CADM2: variants seen among roughly 807,000 people sequenced by gnomAD.
CADM2 encodes the protein immunoglobulin superfamily member 4D.
CADM2 carries 12 observed loss-of-function variants against 49.8 expected under a neutral mutation model. The ratio of observed to expected loss-of-function variants is 0.24; its 90% confidence interval spans 0.15 to 0.39. The LOEUF (loss-of-function observed/expected upper bound fraction) is 0.39, where lower values mean the gene tolerates loss of function less well. Among genes scored for constraint, CADM2 ranks in the 10% least tolerant of loss-of-function variants. The pLI is 1.00. For synonymous variants in CADM2, 214 were observed against 175.4 expected (o/e 1.22, Z -1.74); for missense variants, 378 against 492.3 (o/e 0.77, Z 2.20).
intron 2 of CADM2, among the ~76,000 whole-genome samples, chr3:85,784,314 A>G (rs1270336818): frequency 6.6e-6 from 1 of 152,210 alleles, no homozygotes; most frequent in Non-Finnish European, 1.5e-5. Context: ...CAATTTTTAA[A>G]ATTATAAACA....
intron 7 of CADM2, among the ~76,000 whole-genome samples, chr3:85,942,305 C>A (rs1306946915): frequency 1.5e-5 from 2 of 130,068 alleles, no homozygotes; most frequent in East Asian, 4.5e-4. Context: ...CCAGCCACTG[C>A]AAAACCATGC....
At chr3:85,297,395 A>T (rs1023559443) in intron 1 of CADM2, among the ~76,000 whole-genome samples, 1 of 152,024 alleles carries the variant, frequency 6.6e-6, no homozygotes, top group South Asian at 2.1e-4. Context: ...AGGTAGAGAG[A>T]TGGGGGAAAA....
At chr3:85,106,999 C>G (rs764770647) in intron 1 of CADM2, among the ~76,000 whole-genome samples, 1 of 151,690 alleles carries the variant, frequency 6.6e-6, no homozygotes, top group Admixed American at 6.6e-5. Flanking sequence ...GTAGGAGGGA[C>G]GAAAAGAAAA....
intron 1 of CADM2, among the ~76,000 whole-genome samples, chr3:85,034,856 T>C (rs2035145562): frequency 6.8e-6 from 1 of 146,458 alleles, no homozygotes; most frequent in Non-Finnish European, 1.5e-5. Flanking sequence ...CAGGCTGTAG[T>C]GCAGGGCACG....
chr3:85,106,000 C>T (rs550153753), intron 1 of CADM2, among the ~76,000 whole-genome samples: 7 of 151,906 alleles, frequency 4.6e-5, no homozygotes, highest in South Asian at 2.1e-4. Context: ...TGCTAAATGA[C>T]GAGTTAATGG....
At chr3:85,122,248 C>A (rs2038889535) in intron 1 of CADM2, among the ~76,000 whole-genome samples, 1 of 152,178 alleles carries the variant, frequency 6.6e-6, no homozygotes. Flanking sequence ...TTCACCAACA[C>A]ATTTCAGTTT....
intron 7 of CADM2, among the ~76,000 whole-genome samples, chr3:85,948,128 C>T (rs1722964070): frequency 6.6e-6 from 1 of 151,344 alleles, no homozygotes; most frequent in Non-Finnish European, 1.5e-5. Context: ...TACATTTAAG[C>T]ATTTTACTCT....
chr3:85,152,532 T>C (rs376649283), intron 1 of CADM2, among the ~76,000 whole-genome samples: 4 of 152,296 alleles, frequency 2.6e-5, no homozygotes, highest in East Asian at 1.9e-4. Flanking sequence ...AATACTAATA[T>C]TGATTGTGGA....
chr3:85,879,130 G>A (rs143853783), intron 3 of CADM2, among the ~76,000 whole-genome samples: 3 of 151,298 alleles, frequency 2.0e-5, no homozygotes, highest in African/African-American at 7.3e-5. Context: ...TTTGAAAAGG[G>A]GTTGATATAG....
At chr3:86,018,145 G>C (rs1323672793) in intron 8 of CADM2, among the ~76,000 whole-genome samples, 15 of 126,144 alleles carry the variant, frequency 1.2e-4, no homozygotes, top group African/African-American at 4.2e-4. Flanking sequence ...TTTTGTTCTT[G>C]CAATAGTTTA....
chr3:85,524,885 G>A (rs533702895), intron 1 of CADM2, among the ~76,000 whole-genome samples: 1 of 152,268 alleles, frequency 6.6e-6, no homozygotes, highest in Non-Finnish European at 1.5e-5. Flanking sequence ...CCTGCATTAA[G>A]AGATTATATT....
intron 1 of CADM2, among the ~76,000 whole-genome samples, chr3:85,298,833 T>G (rs925286094): frequency 6.6e-6 from 1 of 152,142 alleles, no homozygotes; most frequent in African/African-American, 2.4e-5. Flanking sequence ...GGATAACATA[T>G]AGTCATTGAG....
intron 1 of CADM2, among the ~76,000 whole-genome samples, chr3:85,403,727 TA>T (rs1225689771): frequency 1.3e-5 from 2 of 152,142 alleles, no homozygotes; most frequent in Non-Finnish European, 2.9e-5. Flanking sequence ...TATGGGTTTT[TA>T]GATTTCAAAC....
intron 1 of CADM2, among the ~76,000 whole-genome samples, chr3:85,634,764 C>T (rs1025193424): frequency 1.4e-4 from 22 of 152,070 alleles, no homozygotes; most frequent in African/African-American, 5.1e-4. Context: ...ATGCAAATTT[C>T]TAATTTCAAG....
At chr3:85,764,381 T>C (rs1424055568) in intron 2 of CADM2, among the ~76,000 whole-genome samples, 1 of 152,074 alleles carries the variant, frequency 6.6e-6, no homozygotes, top group Non-Finnish European at 1.5e-5. Context: ...GATGGGAAGA[T>C]GAAATCTTTT....
chr3:85,602,865 T>C (rs73141530), intron 1 of CADM2, among the ~76,000 whole-genome samples: 30,133 of 151,682 alleles, frequency 0.2, 3,777 homozygotes, highest in East Asian at 0.3. Context: ...TCAAAATTCA[T>C]TGTTTTCAAG....
chr3:85,592,772 G>T (rs1310555578), intron 1 of CADM2, among the ~76,000 whole-genome samples: 1 of 151,756 alleles, frequency 6.6e-6, no homozygotes, highest in Non-Finnish European at 1.5e-5. Context: ...TGTTACATAG[G>T]TATACATGTG....
intron 1 of CADM2, among the ~76,000 whole-genome samples, chr3:85,094,427 A>G (rs1319523507): frequency 6.6e-6 from 1 of 152,178 alleles, no homozygotes; most frequent in African/African-American, 2.4e-5. Flanking sequence ...GCATGCAGAT[A>G]TATAAATACA....
intron 1 of CADM2, among the ~76,000 whole-genome samples, chr3:85,113,827 A>G (rs1273882538): frequency 6.6e-6 from 1 of 151,970 alleles, no homozygotes; most frequent in Non-Finnish European, 1.5e-5. Flanking sequence ...AACTTATGAT[A>G]GTATATAGTT....
Sources: allele counts gnomAD v4.1 joint callset (sites outside exome capture counted in the v4.1 genomes callset), GRCh38; gene constraint gnomAD v4.1.1; transcripts MANE v1.5; gene names NCBI Gene and HGNC (gene_info 2026-07-23, HGNC 2026-07-21).